The following MCTP2 variants were observed in gnomAD, a reference collection of about 807,000 sequenced individuals.
MCTP2 encodes the protein multiple C2 and transmembrane domain-containing protein 2.
A neutral mutation model predicts 111.6 loss-of-function variants in MCTP2; 132 were observed. The observed-to-expected ratio is 1.18, with a 90% confidence interval of 1.03 to 1.37. The LOEUF (loss-of-function observed/expected upper bound fraction) is 1.37, where lower values mean the gene tolerates loss of function less well. MCTP2 is among the 40% of genes most tolerant of loss of function. The pLI, the probability that MCTP2 is intolerant of heterozygous loss-of-function variation, is 0.00. For synonymous variants in MCTP2, 395 were observed against 387.7 expected (o/e 1.02, Z -0.22); for missense variants, 1,183 against 1,067.9 (o/e 1.11, Z -1.50).
At chr15:94,290,119 A>C (rs1567336840) in intron 1 of MCTP2, among the ~76,000 whole-genome samples, 1 of 152,148 alleles carries the variant, frequency 6.6e-6, no homozygotes, top group African/African-American at 2.4e-5. Context: ...AAGGCTGAGA[A>C]AGATAAAGAA....
chr15:94,281,919 A>G (rs2074508342), intron 1 of MCTP2, among the ~76,000 whole-genome samples: 1 of 152,008 alleles, frequency 6.6e-6, no homozygotes, highest in Non-Finnish European at 1.5e-5. Flanking sequence ...TCTTTGCCTG[A>G]TGGGATTCCC....
chr15:94,314,689 G>GA, intron 3 of MCTP2: 2 of 493,278 alleles, frequency 4.1e-6, no homozygotes, highest in Non-Finnish European at 7.9e-6. Flanking sequence ...TCCAATAAGT[G>GA]AATGATAAAT....
chr15:94,243,167 ATACGTACG>A (rs1483855661), intron 1 of MCTP2, among the ~76,000 whole-genome samples: 1 of 126,678 alleles, frequency 7.9e-6, no homozygotes, highest in South Asian at 2.5e-4. Flanking sequence ...GTGTATATAC[ATACGTACG>A]TATGTACGTA....
intron 1 of MCTP2, among the ~76,000 whole-genome samples, chr15:94,244,271 C>A (rs1355728655): frequency 6.4e-5 from 9 of 140,846 alleles, no homozygotes; most frequent in Admixed American, 4.2e-4. Flanking sequence ...TATTTATATA[C>A]ACACATATAT....
Position 94,430,393 on chromosome 15 carries a change from T to TCTCA in MCTP2, c.2086-9782_2086-9781insTCAC, listed in dbSNP as rs574251105. Among the ~76,000 whole-genome samples, 3 of 107,184 alleles carry TCTCA rather than the reference T, an allele frequency of 2.8e-5. No individual in the cohort carries two copies. The East Asian group carries it at 8.6e-4, about 31-fold the overall frequency. The allele number at this position is 107,184 out of a possible 152,430, so 70.3% of individuals were successfully genotyped here. The stretch of plus-strand genomic sequence containing the variant: ...ACAAACAAAAAAAACCCAAAAACAA[T>TCTCA]CACACACACACACACACACACACAC... On this transcript the variant is annotated intron_variant, in intron 17 of 22. Transcript: ENST00000357742.
intron 1 of MCTP2, among the ~76,000 whole-genome samples, chr15:94,268,228 C>T (rs1272913673): frequency 7.1e-6 from 1 of 140,488 alleles, no homozygotes; most frequent in African/African-American, 2.6e-5. Context: ...GTCACCCAAG[C>T]TGGAGTGCAT....
At chr15:94,435,041 T>G (rs1596698299) in intron 17 of MCTP2, among the ~76,000 whole-genome samples, 1 of 152,192 alleles carries the variant, frequency 6.6e-6, no homozygotes, top group South Asian at 2.1e-4. Context: ...TTTTTCTATT[T>G]TTAGTAGAGA....
intron 1 of MCTP2, among the ~76,000 whole-genome samples, chr15:94,267,138 A>C (rs2073583565): frequency 6.6e-6 from 1 of 152,234 alleles, no homozygotes; most frequent in Admixed American, 6.5e-5. Context: ...TTTGAGAGAT[A>C]CGTGCAGTCT....
At chr15:94,449,334 G>A (rs2084305117) in intron 19 of MCTP2, among the ~76,000 whole-genome samples, 1 of 152,160 alleles carries the variant, frequency 6.6e-6, no homozygotes, top group African/African-American at 2.4e-5. Context: ...ATGTTCCCTT[G>A]TCTACAAATG....
At chr15:94,380,028 A>G (rs971090918) in intron 12 of MCTP2, among the ~76,000 whole-genome samples, 3 of 151,874 alleles carry the variant, frequency 2.0e-5, no homozygotes, top group South Asian at 2.1e-4. Flanking sequence ...GTAAACCTCA[A>G]TTAAGAATCG....
At chr15:94,239,405 A>G (rs538658024) in intron 1 of MCTP2, among the ~76,000 whole-genome samples, 49 of 152,298 alleles carry the variant, frequency 3.2e-4, no homozygotes, top group African/African-American at 1.1e-3. Context: ...CACTGGGTCA[A>G]TTGGTGACAA....
chr15:94,434,880 G>A (rs78811486), intron 17 of MCTP2, among the ~76,000 whole-genome samples: 7 of 78,530 alleles, frequency 8.9e-5, no homozygotes, highest in Non-Finnish European at 1.8e-4. Flanking sequence ...TTTTTTTTTT[G>A]ATGCAGTTTT....
At chr15:94,256,848 C>T (rs1465640481) in intron 1 of MCTP2, among the ~76,000 whole-genome samples, 1 of 152,186 alleles carries the variant, frequency 6.6e-6, no homozygotes, top group Non-Finnish European at 1.5e-5. Context: ...ACTTCTCCTT[C>T]CTTCCACTGG....
chr15:94,336,725 A>G (rs2077381116), intron 4 of MCTP2, among the ~76,000 whole-genome samples: 1 of 141,020 alleles, frequency 7.1e-6, no homozygotes, highest in Non-Finnish European at 1.5e-5. Flanking sequence ...GTATGTGTAT[A>G]TTTATGTGCA....
chr15:94,287,232 T>G (rs925238880), intron 1 of MCTP2, among the ~76,000 whole-genome samples: 4 of 66,810 alleles, frequency 6.0e-5, no homozygotes, highest in African/African-American at 1.0e-4. Flanking sequence ...TTACGTACTT[T>G]AAGAGCACTT....
At chr15:94,269,394 A>G (rs2073784444) in intron 1 of MCTP2, among the ~76,000 whole-genome samples, 2 of 152,240 alleles carry the variant, frequency 1.3e-5, no homozygotes, top group South Asian at 4.1e-4. Flanking sequence ...ATTTAGGGGT[A>G]AGAATAATTG....
intron 17 of MCTP2, among the ~76,000 whole-genome samples, chr15:94,410,975 C>T (rs1465115778): frequency 6.6e-6 from 1 of 152,172 alleles, no homozygotes; most frequent in African/African-American, 2.4e-5. Context: ...TAACTAGTAG[C>T]AAAATGGCCA....
At chr15:94,376,099 GT>G (rs2079758352) in intron 12 of MCTP2, among the ~76,000 whole-genome samples, 1 of 152,138 alleles carries the variant, frequency 6.6e-6, no homozygotes, top group Admixed American at 6.5e-5. Flanking sequence ...GGTGTAGGAG[GT>G]GGTGTGTACC....
In MCTP2 at chr15:94,276,843, C is replaced by A. The variant is rs1460502935; in HGVS notation, c.-65-21358C>A. Among the ~76,000 whole-genome samples the A allele has an allele frequency of 3.4e-3, 438 of 130,560 alleles. 3 individuals carry two copies. The highest frequency in any genetic ancestry group is 4.7e-3 in the Admixed American group (60 of 12,782). 85.7% of individuals were successfully genotyped at this position (130,560 alleles called of 152,430 possible). ...CTTAAGAGCTGTTAGTAAACTAACCCAAAAAAAAAAAAAAAAGAGATATGT... is the reference window on the plus strand; with the variant it reads ...CTTAAGAGCTGTTAGTAAACTAACCAAAAAAAAAAAAAAAAAGAGATATGT... On this transcript the variant is annotated intron_variant, in intron 1 of 22. Coordinates refer to ENST00000357742, the MANE Select transcript of MCTP2 (RefSeq NM_001385001.1).
Sources: allele counts gnomAD v4.1 joint callset (sites outside exome capture counted in the v4.1 genomes callset), GRCh38; gene constraint gnomAD v4.1.1; transcripts MANE v1.5; gene names NCBI Gene and HGNC (gene_info 2026-07-23, HGNC 2026-07-21).